The following TBC1D4 variants were observed in gnomAD, a reference collection of about 807,000 sequenced individuals.
TBC1D4 encodes TBC1 domain family member 4.
TBC1D4 carries 121 observed loss-of-function variants against 142.5 expected under a neutral mutation model. That is an observed-to-expected ratio of 0.85 (90% CI 0.73 to 0.99). The LOEUF is 0.99. TBC1D4 is among the 50% of genes least tolerant of loss of function. The pLI, the probability that TBC1D4 is intolerant of heterozygous loss-of-function variation, is 0.00. For synonymous variants in TBC1D4, 630 were observed against 628.2 expected (o/e 1.00, Z -0.04); for missense variants, 1,475 against 1,606.6 (o/e 0.92, Z 1.40).
intron 1 of TBC1D4, among the ~76,000 whole-genome samples, chr13:75,473,827 A>G (rs1333422206): frequency 1.3e-5 from 2 of 152,266 alleles, no homozygotes; most frequent in African/African-American, 4.8e-5. Flanking sequence ...ATATAATCAC[A>G]GATATCAAAG....
At chr13:75,415,440 T>C (rs1331066043) in intron 1 of TBC1D4, among the ~76,000 whole-genome samples, 3 of 152,206 alleles carry the variant, frequency 2.0e-5, no homozygotes, top group Non-Finnish European at 2.9e-5. Flanking sequence ...CATCTTCACA[T>C]AGGCATTAAA....
intron 1 of TBC1D4, among the ~76,000 whole-genome samples, chr13:75,443,464 A>G (rs1296211378): frequency 3.3e-5 from 5 of 152,214 alleles, no homozygotes; most frequent in African/African-American, 1.2e-4. Flanking sequence ...TCTCATCATA[A>G]CACGTCTAGA....
rs41286106 is a variant in TBC1D4 at position 75,286,724 on chromosome 13, C to T, written c.*68G>A. ...GCTTCAGGGTCCAGCCTTGGGCCAG[C>T]GACATGCAGGCTCTTCCTCTCTGTA... is the stretch of plus-strand genomic sequence containing the variant. On this transcript the variant is annotated 3_prime_UTR_variant, in exon 21 of 21. Transcript: ENST00000377636. 0.014 allele frequency: 21,268 copies of T among 1,501,246 alleles called. 546 individuals are homozygous for T. The highest frequency in any genetic ancestry group is 0.13 in the East Asian group (5,465 of 42,256). The allele number at this position is 1,501,246 out of a possible 1,614,324, so 93.0% of individuals were successfully genotyped here. A position where few individuals can be genotyped will look rare whatever the true frequency, so the allele number is the denominator to read the frequency against.
At chr13:75,402,795 A>G (rs1885163339) in intron 1 of TBC1D4, among the ~76,000 whole-genome samples, 1 of 152,150 alleles carries the variant, frequency 6.6e-6, no homozygotes, top group African/African-American at 2.4e-5. Context: ...ATTTATAAAG[A>G]AGGTAAAAGT....
chr13:75,311,610 C>G (rs570259899), intron 13 of TBC1D4, among the ~76,000 whole-genome samples: 72 of 152,218 alleles, frequency 4.7e-4, no homozygotes, highest in Non-Finnish European at 8.2e-4. Context: ...TAACTGCTCC[C>G]TAGATCCGTT....
intron 1 of TBC1D4, among the ~76,000 whole-genome samples, chr13:75,409,478 C>G (rs540435224): frequency 6.6e-6 from 1 of 152,212 alleles, no homozygotes; most frequent in South Asian, 2.1e-4. Context: ...ACATTCCATT[C>G]CTTCCCAATG....
At chr13:75,407,468 CA>C (rs1453853258) in intron 1 of TBC1D4, among the ~76,000 whole-genome samples, 1 of 152,134 alleles carries the variant, frequency 6.6e-6, no homozygotes, top group African/African-American at 2.4e-5. Context: ...AAAAACAGAA[CA>C]ACTGATATCA....
chr13:75,447,241 G>T (rs188233700), intron 1 of TBC1D4, among the ~76,000 whole-genome samples: 1 of 152,246 alleles, frequency 6.6e-6, no homozygotes, highest in Non-Finnish European at 1.5e-5. Flanking sequence ...GATTAAGGTA[G>T]ATTTTTATTG....
chr13:75,397,780 T>G (rs1403372502), intron 1 of TBC1D4, among the ~76,000 whole-genome samples: 2 of 152,188 alleles, frequency 1.3e-5, no homozygotes, highest in Non-Finnish European at 1.5e-5. Flanking sequence ...ACCTAGGAAT[T>G]ACCCTCGTAT....
At chr13:75,386,420 A>G (rs1884174996) in intron 1 of TBC1D4, among the ~76,000 whole-genome samples, 1 of 144,746 alleles carries the variant, frequency 6.9e-6, no homozygotes, top group Non-Finnish European at 1.5e-5. Context: ...ATGGAGTCTC[A>G]CACTGTCACC....
At chr13:75,389,237 T>C (rs1010641746) in intron 1 of TBC1D4, among the ~76,000 whole-genome samples, 2 of 152,252 alleles carry the variant, frequency 1.3e-5, no homozygotes, top group Non-Finnish European at 2.9e-5. Flanking sequence ...TTGATTCCAA[T>C]ATATTTCCAG....
intron 1 of TBC1D4, among the ~76,000 whole-genome samples, chr13:75,427,458 T>C (rs1332590960): frequency 6.6e-6 from 1 of 152,154 alleles, no homozygotes; most frequent in Non-Finnish European, 1.5e-5. Context: ...GAGGATCACT[T>C]GAGTCCAGCC....
intron 5 of TBC1D4, among the ~76,000 whole-genome samples, chr13:75,347,659 C>T (rs185051268): frequency 2.6e-5 from 4 of 152,226 alleles, no homozygotes; most frequent in Admixed American, 2.6e-4. Context: ...AATCTTTGCC[C>T]TTTTGGGATG....
At chr13:75,339,959 C>T (rs181564660) in intron 7 of TBC1D4, among the ~76,000 whole-genome samples, 41 of 152,294 alleles carry the variant, frequency 2.7e-4, no homozygotes, top group Admixed American at 6.5e-4. Context: ...CCTCTTGAAT[C>T]TCCTCTTCTC....
At chr13:75,348,620 T>A (rs1171022753) in intron 5 of TBC1D4, among the ~76,000 whole-genome samples, 1 of 152,166 alleles carries the variant, frequency 6.6e-6, no homozygotes, top group Non-Finnish European at 1.5e-5. Context: ...CTTCACTCCT[T>A]CTCAGAACAT....
chr13:75,451,245 G>A (rs1022429977), intron 1 of TBC1D4, among the ~76,000 whole-genome samples: 1 of 151,756 alleles, frequency 6.6e-6, no homozygotes, highest in Non-Finnish European at 1.5e-5. Context: ...TTATTAGAGC[G>A]AAAAAAAGTG....
intron 12 of TBC1D4, among the ~76,000 whole-genome samples, chr13:75,317,072 G>T (rs1265102642): frequency 6.6e-6 from 1 of 152,126 alleles, no homozygotes; most frequent in African/African-American, 2.4e-5. Flanking sequence ...GTGCAATACT[G>T]AAGTAGAAAG....
intron 13 of TBC1D4, 149 bp downstream of exon 13, chr13:75,312,589 T>C (rs1877883513): frequency 9.5e-6 from 10 of 1,057,410 alleles, no homozygotes; most frequent in East Asian, 5.1e-5. Flanking sequence ...TGTTTTCTAA[T>C]GATACCTGAA....
intron 1 of TBC1D4, among the ~76,000 whole-genome samples, chr13:75,436,132 G>A (rs1323844049): frequency 6.6e-6 from 1 of 151,946 alleles, no homozygotes; most frequent in Admixed American, 6.6e-5. Flanking sequence ...TTTTATAAAG[G>A]GCACTTCCCC....
Sources: allele counts gnomAD v4.1 joint callset (sites outside exome capture counted in the v4.1 genomes callset), GRCh38; gene constraint gnomAD v4.1.1; transcripts MANE v1.5; gene names NCBI Gene and HGNC (gene_info 2026-07-23, HGNC 2026-07-21).